Variants in GTF2A1L observed in about 807,000 individuals in gnomAD.
GTF2A1L encodes the protein general transcription factor IIA subunit 1 like.
Under a neutral mutation model 49.7 loss-of-function variants are expected in GTF2A1L, and 48 were observed. The ratio of observed to expected loss-of-function variants is 0.97; its 90% CI spans 0.77 to 1.23. GTF2A1L has a LOEUF of 1.23. GTF2A1L is among the 50% of genes most tolerant of loss of function. The pLI, the probability that GTF2A1L is intolerant of heterozygous loss-of-function variation, is 0.00. For synonymous variants in GTF2A1L, 246 were observed against 193.5 expected (o/e 1.27, Z -2.25); for missense variants, 736 against 564.8 (o/e 1.30, Z -3.07).
intron 6 of GTF2A1L, among the ~76,000 whole-genome samples, chr2:48,660,771 G>A (rs1474953592): frequency 6.6e-6 from 1 of 152,070 alleles, no homozygotes; most frequent in African/African-American, 2.4e-5. Flanking sequence ...CGCCTGAGAA[G>A]CTGGGATTGC....
chr2:48,666,401 G>C (rs1299442937), intron 6 of GTF2A1L, among the ~76,000 whole-genome samples: 1 of 151,932 alleles, frequency 6.6e-6, no homozygotes, highest in African/African-American at 2.4e-5. Flanking sequence ...AGTAGAGATG[G>C]GGTTTCACCA....
At chr2:48,652,475 G>GTTAAT (rs1677904833) in intron 6 of GTF2A1L, among the ~76,000 whole-genome samples, 1 of 151,526 alleles carries the variant, frequency 6.6e-6, no homozygotes, top group Non-Finnish European at 1.5e-5. Context: ...AATTAGCGGA[G>GTTAAT]TGTGGTGGCA....
At chr2:48,647,904 C>T (rs1248659003) in intron 6 of GTF2A1L, among the ~76,000 whole-genome samples, 1 of 152,076 alleles carries the variant, frequency 6.6e-6, no homozygotes, top group Admixed American at 6.5e-5. Flanking sequence ...TCTATTTACA[C>T]AATTTAGGAC....
intron 3 of GTF2A1L, among the ~76,000 whole-genome samples, chr2:48,635,826 C>G (rs1375637316): frequency 6.6e-6 from 1 of 152,108 alleles, no homozygotes; most frequent in Admixed American, 6.5e-5. Context: ...GGTCCTATGT[C>G]TGGGAAAGTG....
intron 3 of GTF2A1L, among the ~76,000 whole-genome samples, chr2:48,638,101 CA>C (rs1449054715): frequency 6.6e-6 from 1 of 151,900 alleles, no homozygotes; most frequent in Non-Finnish European, 1.5e-5. Flanking sequence ...GCCTACCAAC[CA>C]AAAAAAGCCA....
At chr2:48,638,350 T>A (rs1677017760) in intron 3 of GTF2A1L, among the ~76,000 whole-genome samples, 1 of 152,124 alleles carries the variant, frequency 6.6e-6, no homozygotes, top group Non-Finnish European at 1.5e-5. Context: ...AAACCGAATT[T>A]AGCAGCACAT....
chr2:48,677,128 G>A (rs6713319), intron 8 of GTF2A1L, among the ~76,000 whole-genome samples: 148,482 of 151,994 alleles, frequency 0.98, 72,550 homozygotes, highest in African/African-American at 0.99. Flanking sequence ...GATTTTTAAT[G>A]TCTGGTAAGG....
intron 6 of GTF2A1L, among the ~76,000 whole-genome samples, chr2:48,667,111 G>A (rs1249922566): frequency 1.9e-5 from 2 of 105,338 alleles, no homozygotes; most frequent in African/African-American, 9.4e-5. Context: ...ACCACTCCCA[G>A]CTAATTTTTT....
At chr2:48,662,106 C>G (rs576119300) in intron 6 of GTF2A1L, among the ~76,000 whole-genome samples, 42 of 152,182 alleles carry the variant, frequency 2.8e-4, no homozygotes, top group African/African-American at 9.6e-4. Flanking sequence ...TTATAATAAC[C>G]TGTTTTAATC....
intron 6 of GTF2A1L, among the ~76,000 whole-genome samples, chr2:48,662,416 T>A (rs1678563893): frequency 6.6e-6 from 1 of 152,218 alleles, no homozygotes; most frequent in African/African-American, 2.4e-5. Flanking sequence ...AAAGGACTCC[T>A]TTTAATATTT....
rs1478976498 is a variant in GTF2A1L, at chr2:48,679,499, T to G, written c.*57T>G. 6.3e-7 allele frequency: 1 copy of G among 1,593,252 alleles called. No individual in the cohort carries two copies. The highest frequency in any genetic ancestry group is 1.4e-5 in the African/African-American group (1 of 73,820). ...ACATCAGTTGGATTATATTGCATAT[T>G]GTGAATTCATTTTTATTTTGAATAT... is the stretch of plus-strand genomic sequence containing the variant. On this transcript the variant is annotated 3_prime_UTR_variant, in exon 9 of 9. Coordinates refer to ENST00000403751, the MANE Select transcript of GTF2A1L (RefSeq NM_006872.5).
chr2:48,636,670 A>G (rs1441471005), intron 3 of GTF2A1L, among the ~76,000 whole-genome samples: 1 of 152,232 alleles, frequency 6.6e-6, no homozygotes, highest in Non-Finnish European at 1.5e-5. Context: ...GGTCTTAGGT[A>G]GCCTCAGTGG....
intron 6 of GTF2A1L, among the ~76,000 whole-genome samples, chr2:48,649,779 C>T (rs1445904072): frequency 6.6e-6 from 1 of 152,178 alleles, no homozygotes; most frequent in Non-Finnish European, 1.5e-5. Context: ...AAACTTCAGG[C>T]ACCTTAATAT....
At chr2:48,645,937 C>G (rs146522831) in intron 5 of GTF2A1L, among the ~76,000 whole-genome samples, 1 of 148,126 alleles carries the variant, frequency 6.8e-6, no homozygotes, top group Non-Finnish European at 1.5e-5. Context: ...CATGAGCCAC[C>G]GCGCCTGGCC....
chr2:48,656,146 G>A (rs530359012), intron 6 of GTF2A1L, among the ~76,000 whole-genome samples: 4 of 152,130 alleles, frequency 2.6e-5, no homozygotes, highest in Admixed American at 1.3e-4. Flanking sequence ...TAAACATGGC[G>A]TACAAATATC....
chr2:48,618,048 G>C (rs907191959), intron 1 of GTF2A1L, 153 bp downstream of exon 1: 1 of 782,976 alleles, frequency 1.3e-6, no homozygotes, highest in Non-Finnish European at 2.0e-6. Flanking sequence ...CTTCACGTCT[G>C]TGTTGGAGGA....
At chr2:48,618,697 A>G (rs972970476) in intron 1 of GTF2A1L, among the ~76,000 whole-genome samples, 6 of 152,214 alleles carry the variant, frequency 3.9e-5, no homozygotes, top group African/African-American at 1.4e-4. Context: ...TAAAATACCT[A>G]TACTCTGCCT....
In GTF2A1L at chr2:48,642,425, A is replaced by G; in HGVS notation, c.271A>G (p.Arg91Gly). Reference protein sequence around the residue: ...STASLVIPAGRTLPSFTTAEL... With the variant: ...STASLVIPAGGTLPSFTTAEL... ...AGCATCATTAGTTATTCCTGCTGGT[A>G]GAACTCTTCCAAGTTTTACCACAGC... Residue 91 changes from arginine to glycine, a missense_variant, in exon 4 of 9, where the codon AGA (arginine) becomes GGA (glycine). Physicochemically the swap from Arg to Gly is moderately radical, Grantham distance 125. Transcript: ENST00000403751. 6.3e-7 allele frequency: 1 copy of G among 1,593,896 alleles called. No individual in the cohort carries two copies. Among genetic ancestry groups the G allele is most frequent in the Non-Finnish European group, 8.6e-7 (1 of 1,166,774 alleles).
chr2:48,660,785 TGTGC>T (rs1490426613), intron 6 of GTF2A1L, among the ~76,000 whole-genome samples: 1 of 151,972 alleles, frequency 6.6e-6, no homozygotes, highest in East Asian at 1.9e-4. Context: ...GGATTGCAGG[TGTGC>T]TCTACTATGC....
Sources: allele counts gnomAD v4.1 joint callset (sites outside exome capture counted in the v4.1 genomes callset), GRCh38; gene constraint gnomAD v4.1.1; transcripts MANE v1.5; gene names NCBI Gene and HGNC (gene_info 2026-07-23, HGNC 2026-07-21).